Variants in ADGRV1 observed in about 807,000 individuals in gnomAD.
ADGRV1 encodes G-protein coupled receptor 98.
ADGRV1 carries 359 observed loss-of-function variants against 596.2 expected under a neutral mutation model. The ratio of observed to expected loss-of-function variants is 0.60; its 90% CI spans 0.55 to 0.66. The LOEUF (loss-of-function observed/expected upper bound fraction) is 0.66, where lower values mean the gene tolerates loss of function less well. Among genes scored for constraint, ADGRV1 ranks in the 30% least tolerant of loss-of-function variants. The pLI is 0.00. For missense variants in ADGRV1, 7,274 were observed against 7,575.6 expected (o/e 0.96, Z 1.48); for synonymous variants, 2,681 against 2,679.2 (o/e 1.00, Z -0.02).
At chr5:90,980,188 A>G (rs1384351716) in intron 84 of ADGRV1, among the ~76,000 whole-genome samples, 2 of 152,322 alleles carry the variant, frequency 1.3e-5, no homozygotes, top group South Asian at 2.1e-4. Flanking sequence ...AACAATGAAA[A>G]TAAGAAGATG....
intron 85 of ADGRV1, among the ~76,000 whole-genome samples, chr5:91,065,230 A>G (rs1787784360): frequency 6.6e-6 from 1 of 152,180 alleles, no homozygotes; most frequent in Admixed American, 6.5e-5. Context: ...GAAGTGACAA[A>G]TGTATCTTTT....
chr5:91,093,345 CAAATTAACTTTTCCCTG>C (rs1790546783), intron 86 of ADGRV1, among the ~76,000 whole-genome samples: 1 of 152,212 alleles, frequency 6.6e-6, no homozygotes, highest in African/African-American at 2.4e-5. Context: ...TGCTGCAAAG[CAAATTAACTTTTCCCTG>C]AAATGCATTC....
chr5:91,132,418 C>T (rs532319530), intron 87 of ADGRV1, among the ~76,000 whole-genome samples: 6 of 152,152 alleles, frequency 3.9e-5, no homozygotes, highest in South Asian at 2.1e-4. Context: ...TTTATTCATT[C>T]GAAGGTATTC....
At position 90,807,103 on chromosome 5, in the gene ADGRV1, G is replaced by C. The variant is rs993803030; in HGVS notation, c.14837-499G>C. On this transcript the variant is annotated intron_variant, in intron 72 of 89. Coordinates refer to ENST00000405460, the MANE Select transcript of ADGRV1 (RefSeq NM_032119.4). ...CCTGACCTCAGAATCCGCCCTCGTC[G>C]GCCTCCCAAAGTGTTGGGATTACAG... Among the ~76,000 whole-genome samples, 3 of 152,032 alleles carry C rather than the reference G, an allele frequency of 2.0e-5. No individual in the cohort carries two copies. The South Asian group carries it at 6.2e-4, about 32-fold the overall frequency.
intron 37 of ADGRV1, 56 bp downstream of exon 37, chr5:90,705,635 A>G (rs754770801): frequency 2.8e-4 from 393 of 1,396,210 alleles, no homozygotes; most frequent in Non-Finnish European, 2.5e-4. Flanking sequence ...TTAATATTCT[A>G]CTTGTGTGGA....
intron 89 of ADGRV1, among the ~76,000 whole-genome samples, chr5:91,156,482 G>A (rs1414523897): frequency 6.6e-6 from 1 of 152,134 alleles, no homozygotes; most frequent in Non-Finnish European, 1.5e-5. Flanking sequence ...AATTCTCAGG[G>A]CAGATTATGT....
At chr5:90,668,259 G>T (rs1366731246) in intron 21 of ADGRV1, among the ~76,000 whole-genome samples, 1 of 151,880 alleles carries the variant, frequency 6.6e-6, no homozygotes, top group Non-Finnish European at 1.5e-5. Context: ...AGCAATCAGC[G>T]AGACTCCATG....
intron 89 of ADGRV1, among the ~76,000 whole-genome samples, chr5:91,158,046 C>G (rs1375967814): frequency 1.3e-5 from 2 of 152,224 alleles, no homozygotes; most frequent in Non-Finnish European, 2.9e-5. Flanking sequence ...AATAACTGGG[C>G]TAGCACACTC....
chr5:90,864,660 G>C (rs1302290759), intron 83 of ADGRV1, among the ~76,000 whole-genome samples: 1 of 152,026 alleles, frequency 6.6e-6, no homozygotes, highest in Non-Finnish European at 1.5e-5. Flanking sequence ...GGACTAAAAA[G>C]GGCCTAGACA....
At chr5:90,726,022 T>C (rs1356974842) in intron 48 of ADGRV1, among the ~76,000 whole-genome samples, 1 of 152,246 alleles carries the variant, frequency 6.6e-6, no homozygotes, top group African/African-American at 2.4e-5. Context: ...CACATTTCTT[T>C]AGTAAACTAG....
At chr5:90,917,982 T>G (rs553949865) in intron 83 of ADGRV1, among the ~76,000 whole-genome samples, 6 of 152,170 alleles carry the variant, frequency 3.9e-5, no homozygotes, top group Non-Finnish European at 7.3e-5. Context: ...GGCAGATATA[T>G]TTCACTATTT....
intron 85 of ADGRV1, among the ~76,000 whole-genome samples, chr5:91,067,876 G>T (rs1159986401): frequency 2.0e-5 from 3 of 152,168 alleles, no homozygotes; most frequent in Non-Finnish European, 2.9e-5. Context: ...TGAGTAACCA[G>T]CATGACCACT....
Position 90,867,306 on chromosome 5 carries a change from C to T in ADGRV1, c.17856+3449C>T, listed in dbSNP as rs370226787. The stretch of plus-strand genomic sequence containing the variant: ...TCTCTATGGTTTGTTATTTGTACAG[C>T]ATAAACACATTTTCTGAAACTAAAT... On this transcript the variant is annotated intron_variant, in intron 83 of 89. Coordinates refer to ENST00000405460, the MANE Select transcript of ADGRV1 (RefSeq NM_032119.4). Among the ~76,000 whole-genome samples the T allele has an allele frequency of 3.3e-5, 5 of 152,242 alleles. No homozygotes were observed. In the South Asian group the frequency reaches 1.0e-3, roughly 32 times the overall value.
intron 83 of ADGRV1, among the ~76,000 whole-genome samples, chr5:90,961,260 G>A (rs1777983161): frequency 6.6e-6 from 1 of 152,066 alleles, no homozygotes; most frequent in African/African-American, 2.4e-5. Context: ...CAGCACTTTG[G>A]GAGGCCGAAG....
chr5:91,152,707 C>T (rs922403358), intron 88 of ADGRV1, among the ~76,000 whole-genome samples: 3 of 152,118 alleles, frequency 2.0e-5, no homozygotes, highest in African/African-American at 7.2e-5. Context: ...CTCTCTGTCA[C>T]CCAGGCTGGA....
At chr5:90,923,487 A>G (rs1194845825) in intron 83 of ADGRV1, among the ~76,000 whole-genome samples, 1 of 152,160 alleles carries the variant, frequency 6.6e-6, no homozygotes, top group Non-Finnish European at 1.5e-5. Context: ...TTACTAGGAT[A>G]TATACATAAA....
chr5:90,756,642 T>A lies in ADGRV1; in HGVS notation c.11757+12T>A, dbSNP rs200927996. ...TTCATGTTACTAGAGTGAGATGAAC[T>A]TTCATTTGTTTACAGTCATACAGAG... On this transcript the variant is annotated intron_variant, in intron 56 of 89. Transcript: ENST00000405460. The A allele has an allele frequency of 1.2e-6, 2 of 1,607,862 alleles. No individual in the cohort carries two copies. The highest frequency in any genetic ancestry group is 4.5e-5 in the East Asian group (2 of 44,808).
intron 85 of ADGRV1, among the ~76,000 whole-genome samples, chr5:90,999,942 T>C (rs1214329526): frequency 6.6e-6 from 1 of 152,182 alleles, no homozygotes; most frequent in African/African-American, 2.4e-5. Flanking sequence ...TTGTATTATT[T>C]ACTTTGTAGC....
intron 17 of ADGRV1, among the ~76,000 whole-genome samples, chr5:90,648,431 A>AAGGTAAAG (rs1768108643): frequency 6.6e-6 from 1 of 152,138 alleles, no homozygotes; most frequent in South Asian, 2.1e-4. Flanking sequence ...TTTTGAGAGT[A>AAGGTAAAG]AGGTAAAGAC....
Sources: allele counts gnomAD v4.1 joint callset (sites outside exome capture counted in the v4.1 genomes callset), GRCh38; gene constraint gnomAD v4.1.1; transcripts MANE v1.5; gene names NCBI Gene and HGNC (gene_info 2026-07-23, HGNC 2026-07-21).